The following PDE4D variants were observed in gnomAD, a reference collection of about 807,000 sequenced individuals.
PDE4D encodes the protein 3',5'-cyclic-AMP phosphodiesterase 4D.
Under a neutral mutation model 87.4 loss-of-function variants are expected in PDE4D, and 24 were observed. The ratio of observed to expected loss-of-function variants is 0.27; its 90% CI spans 0.20 to 0.39. The LOEUF (loss-of-function observed/expected upper bound fraction) is 0.39, where lower values mean the gene tolerates loss of function less well. Ranked by LOEUF, PDE4D falls within the 10% of genes least tolerant of loss-of-function variation. The probability of loss-of-function intolerance (pLI) is 1.00; values close to 1 mark genes in which losing one functional copy is unlikely to be tolerated. For missense variants in PDE4D, 714 were observed against 1,041.0 expected (o/e 0.69, Z 4.32); for synonymous variants, 384 against 383.2 (o/e 1.00, Z -0.02).
At chr5:60,430,311 C>T in intron 1 of PDE4D, 4 of 468,674 alleles carry the variant, frequency 8.5e-6, no homozygotes, top group Middle Eastern at 3.5e-4. Context: ...AAACTGGCCA[C>T]TATTCTTACA....
chr5:59,234,923 G>A (rs1465182455), intron 1 of PDE4D, among the ~76,000 whole-genome samples: 1 of 151,938 alleles, frequency 6.6e-6, no homozygotes, highest in African/African-American at 2.4e-5. Context: ...AAGCAGTGTA[G>A]GTATCGTCTT....
intron 1 of PDE4D, among the ~76,000 whole-genome samples, chr5:60,368,223 T>C (rs1227910641): frequency 6.6e-6 from 1 of 152,242 alleles, no homozygotes; most frequent in Non-Finnish European, 1.5e-5. Flanking sequence ...GCTTGTGTTC[T>C]GCAGTTTACA....
intron 2 of PDE4D, among the ~76,000 whole-genome samples, chr5:60,164,878 T>C (rs1287173297): frequency 1.3e-5 from 2 of 152,192 alleles, no homozygotes; most frequent in African/African-American, 2.4e-5. Context: ...TCAACTTACA[T>C]AGTTATCGCT....
intron 1 of PDE4D, among the ~76,000 whole-genome samples, chr5:59,581,679 C>A (rs745982092): frequency 6.6e-6 from 1 of 152,130 alleles, no homozygotes; most frequent in Admixed American, 6.5e-5. Context: ...TTACTAATAA[C>A]AACTTTGCTC....
intron 7 of PDE4D, among the ~76,000 whole-genome samples, chr5:58,992,386 T>C (rs1263755804): frequency 6.6e-6 from 1 of 152,186 alleles, no homozygotes; most frequent in Non-Finnish European, 1.5e-5. Context: ...ATATTGTTCT[T>C]GCCAACTAAG....
chr5:59,775,596 A>G (rs1763999345), intron 1 of PDE4D, among the ~76,000 whole-genome samples: 1 of 152,210 alleles, frequency 6.6e-6, no homozygotes. Context: ...AAACTCCCCA[A>G]AATTGTTCAT....
chr5:59,105,260 G>A (rs1302955012), intron 5 of PDE4D, among the ~76,000 whole-genome samples: 1 of 152,172 alleles, frequency 6.6e-6, no homozygotes. Context: ...GAACTTTTCA[G>A]AGTTTTGTAA....
chr5:59,392,376 A>C (rs1193932307), intron 1 of PDE4D, among the ~76,000 whole-genome samples: 1 of 152,012 alleles, frequency 6.6e-6, no homozygotes, highest in Non-Finnish European at 1.5e-5. Flanking sequence ...TTGGACTCCA[A>C]GTTCTTCAGT....
At chr5:59,316,596 T>C (rs1190517129) in intron 1 of PDE4D, among the ~76,000 whole-genome samples, 3 of 152,182 alleles carry the variant, frequency 2.0e-5, no homozygotes. Flanking sequence ...GAAGTGGAAA[T>C]ATTATCTTGG....
chr5:59,055,721 CCA>C (rs1762239653), intron 5 of PDE4D, among the ~76,000 whole-genome samples: 2 of 152,142 alleles, frequency 1.3e-5, no homozygotes, highest in Non-Finnish European at 2.9e-5. Flanking sequence ...TGAAGAGAAT[CCA>C]CATACTTCTT....
At chr5:59,650,326 T>C (rs1159476572) in intron 1 of PDE4D, among the ~76,000 whole-genome samples, 1 of 152,186 alleles carries the variant, frequency 6.6e-6, no homozygotes, top group Non-Finnish European at 1.5e-5. Flanking sequence ...TAGAAAAGCC[T>C]CAGAAGCTCT....
intron 1 of PDE4D, among the ~76,000 whole-genome samples, chr5:59,431,588 C>A (rs1434588574): frequency 6.6e-6 from 1 of 152,026 alleles, no homozygotes; most frequent in Admixed American, 6.6e-5. Flanking sequence ...CTGTTAAAAT[C>A]CAGAAATTTT....
At chr5:60,132,031 A>G (rs1201890124) in intron 2 of PDE4D, among the ~76,000 whole-genome samples, 1 of 152,114 alleles carries the variant, frequency 6.6e-6, no homozygotes, top group East Asian at 1.9e-4. Context: ...ATCTCTTACC[A>G]CTGATGGCCT....
At chr5:59,070,658 C>T (rs1764626899) in intron 5 of PDE4D, among the ~76,000 whole-genome samples, 1 of 152,042 alleles carries the variant, frequency 6.6e-6, no homozygotes, top group African/African-American at 2.4e-5. Flanking sequence ...TGTAACATAC[C>T]CTGATTACCT....
rs1479462342 is a variant in PDE4D at position 59,644,768 on chromosome 5, G to A, written c.455+248400C>T. ...TTCTCAGCTTCTCGAGGACTATGCC[G>A]AAAAACCTAAAGGATAATCCAGGTT... On this transcript the variant is annotated intron_variant, in intron 1 of 14. Transcript: ENST00000340635. 3.3e-5 allele frequency among the ~76,000 whole-genome samples: 5 copies of A among 152,218 alleles called. No individual in the cohort carries two copies. In the East Asian group the frequency reaches 5.8e-4, roughly 18 times the overall value.
intron 1 of PDE4D, among the ~76,000 whole-genome samples, chr5:59,558,170 A>G (rs1819299592): frequency 6.6e-6 from 1 of 152,220 alleles, no homozygotes; most frequent in Admixed American, 6.5e-5. Flanking sequence ...GAGATACAAC[A>G]AGACAATAAA....
At chr5:60,400,502 A>T (rs1393048078) in intron 1 of PDE4D, among the ~76,000 whole-genome samples, 1 of 141,942 alleles carries the variant, frequency 7.0e-6, no homozygotes, top group Admixed American at 7.3e-5. Flanking sequence ...AGCCTGGGTA[A>T]CAGAGCAAGA....
intron 1 of PDE4D, among the ~76,000 whole-genome samples, chr5:60,337,580 A>C (rs1312451387): frequency 6.6e-6 from 1 of 151,566 alleles, no homozygotes; most frequent in Non-Finnish European, 1.5e-5. Flanking sequence ...TCTACAATAA[A>C]AGGGATGGAT....
chr5:59,230,714 A>G (rs1218324274), intron 1 of PDE4D, among the ~76,000 whole-genome samples: 1 of 152,202 alleles, frequency 6.6e-6, no homozygotes, highest in Non-Finnish European at 1.5e-5. Flanking sequence ...TGCACTCTGC[A>G]TCAAACAGGT....
Sources: gnomAD v4.1 joint callset for allele counts (sites outside exome capture counted in the v4.1 genomes callset) on GRCh38, gnomAD v4.1.1 for gene constraint, MANE v1.5 for transcripts, NCBI Gene and HGNC (gene_info 2026-07-23, HGNC 2026-07-21) for gene names.